Variants in SH3D19 observed in about 807,000 individuals in gnomAD.
The protein encoded by SH3D19 is SH3 domain containing 19.
A neutral mutation model predicts 112.1 loss-of-function variants in SH3D19; 58 were observed. That is an observed-to-expected ratio of 0.52 (90% confidence interval 0.42 to 0.64). The LOEUF (loss-of-function observed/expected upper bound fraction) is 0.64. SH3D19 is among the 30% of genes least tolerant of loss of function. SH3D19 has a pLI of 0.00. For synonymous variants in SH3D19, 391 were observed against 448.5 expected, an observed-to-expected ratio of 0.87 and a Z score of 1.62; for missense variants, 1,090 against 1,263.4, an observed-to-expected ratio of 0.86 and a Z score of 2.08.
chr4:151,203,321 C>T (rs1764661182), intron 2 of SH3D19, among the ~76,000 whole-genome samples: 1 of 152,154 alleles, frequency 6.6e-6, no homozygotes, highest in African/African-American at 2.4e-5. Flanking sequence ...CCTGAGAAGT[C>T]AACAGTGTGA....
At chr4:151,255,512 G>C (rs146672469) in intron 1 of SH3D19, among the ~76,000 whole-genome samples, 51,447 of 149,466 alleles carry the variant, frequency 0.34, 9,888 homozygotes, top group Non-Finnish European at 0.45. Flanking sequence ...GTGAGATGGC[G>C]GCCGGGCGGA....
At chr4:151,161,736 A>T (rs1159403202) in intron 8 of SH3D19, among the ~76,000 whole-genome samples, 1 of 149,778 alleles carries the variant, frequency 6.7e-6, no homozygotes, top group Non-Finnish European at 1.5e-5. Context: ...CCTGTGGCCA[A>T]AGTGTTCTCA....
chr4:151,231,760 A>G (rs1170232457), intron 1 of SH3D19, among the ~76,000 whole-genome samples: 1 of 152,232 alleles, frequency 6.6e-6, no homozygotes, highest in Non-Finnish European at 1.5e-5. Context: ...AGTCTGGTCT[A>G]CAGCACTATC....
chr4:151,318,347 C>T (rs1253832961), intron 1 of SH3D19, among the ~76,000 whole-genome samples: 1 of 149,622 alleles, frequency 6.7e-6, no homozygotes, highest in Non-Finnish European at 1.5e-5. Flanking sequence ...AAAAGAAAAG[C>T]TGAGCATTAT....
At chr4:151,218,894 C>A (rs986440075) in intron 2 of SH3D19, among the ~76,000 whole-genome samples, 1 of 152,138 alleles carries the variant, frequency 6.6e-6, no homozygotes, top group Non-Finnish European at 1.5e-5. Context: ...GGCTGAGTTC[C>A]TGTAATATTT....
At chr4:151,245,055 A>G (rs1433702141) in intron 1 of SH3D19, among the ~76,000 whole-genome samples, 1 of 152,098 alleles carries the variant, frequency 6.6e-6, no homozygotes, top group African/African-American at 2.4e-5. Context: ...GAAGCAGGAA[A>G]ATCATTTGAA....
chr4:151,244,090 G>C (rs751638842), intron 1 of SH3D19, among the ~76,000 whole-genome samples: 9 of 152,118 alleles, frequency 5.9e-5, no homozygotes, highest in Non-Finnish European at 1.3e-4. Context: ...TTGGCTATTA[G>C]CCCCTGAATT....
chr4:151,280,053 A>AGGAAACCCAG, intron 1 of SH3D19: 1 of 1,402,190 alleles, frequency 7.1e-7, no homozygotes, highest in Non-Finnish European at 9.9e-7. Context: ...AAGTGGTAAA[A>AGGAAACCCAG]TAGGCAGGGC....
intron 1 of SH3D19, among the ~76,000 whole-genome samples, chr4:151,257,126 T>C (rs1468684636): frequency 1.3e-5 from 2 of 151,444 alleles, no homozygotes; most frequent in Non-Finnish European, 1.5e-5. Flanking sequence ...CTTGCTCTGT[T>C]TTCCAGGCTG....
chr4:151,168,004 A>G (rs1316929800), intron 7 of SH3D19, among the ~76,000 whole-genome samples: 1 of 152,186 alleles, frequency 6.6e-6, no homozygotes, highest in Non-Finnish European at 1.5e-5. Context: ...TCAACATTAA[A>G]CTTTACTTTT....
chr4:151,230,500 T>G (rs571871410), intron 1 of SH3D19, among the ~76,000 whole-genome samples: 3 of 152,252 alleles, frequency 2.0e-5, no homozygotes, highest in Admixed American at 6.5e-5. Context: ...ATGAAAGACC[T>G]GAAATCATTC....
At chr4:151,241,676 C>T (rs898289976) in intron 1 of SH3D19, among the ~76,000 whole-genome samples, 1 of 151,308 alleles carries the variant, frequency 6.6e-6, no homozygotes, top group African/African-American at 2.5e-5. Context: ...ATTACAGGTG[C>T]AAGCCACTGT....
intron 19 of SH3D19, among the ~76,000 whole-genome samples, chr4:151,125,716 G>T (rs539098518): frequency 6.6e-6 from 1 of 151,538 alleles, no homozygotes; most frequent in East Asian, 1.9e-4. Flanking sequence ...GTCAGGTGTG[G>T]TGGTGTGTGC....
chr4:151,226,103 T>C lies in SH3D19; in HGVS notation c.113-17A>G. 1 of 1,231,686 alleles carries C rather than the reference T, an allele frequency of 8.1e-7. No homozygotes were observed. The highest frequency in any genetic ancestry group is 1.0e-6 in the Non-Finnish European group (1 of 987,600). 76.3% of individuals were successfully genotyped at this position (1,231,686 alleles called of 1,614,324 possible). A position where few individuals can be genotyped will look rare whatever the true frequency, so the allele number is the denominator to read the frequency against. On this transcript the variant is annotated splice_polypyrimidine_tract_variant and intron_variant, in intron 1 of 19. Coordinates refer to ENST00000604030, the MANE Select transcript of SH3D19 (RefSeq NM_001378122.1). ...CGTTGCGATCTGTAGAGAAAGAAGA[T>C]GGTTACGTGTCAAAAGGTTCTTTAA...
At chr4:151,180,485 C>T (rs923929051) in intron 3 of SH3D19, among the ~76,000 whole-genome samples, 3 of 145,214 alleles carry the variant, frequency 2.1e-5, no homozygotes, top group Non-Finnish European at 3.0e-5. Context: ...TGGCTCACTG[C>T]AAGCTCTGCC....
At chr4:151,181,381 G>A (rs1202523205) in intron 3 of SH3D19, among the ~76,000 whole-genome samples, 2 of 152,160 alleles carry the variant, frequency 1.3e-5, no homozygotes, top group East Asian at 3.9e-4. Flanking sequence ...GCCGTAACAG[G>A]TGAACCTCTG....
intron 1 of SH3D19, among the ~76,000 whole-genome samples, chr4:151,270,441 C>A (rs1263410309): frequency 6.6e-6 from 1 of 152,212 alleles, no homozygotes; most frequent in Non-Finnish European, 1.5e-5. Context: ...CTTCTTGAGG[C>A]CTTCTCAGAA....
chr4:151,158,107 G>A (rs1252625468), intron 9 of SH3D19, among the ~76,000 whole-genome samples: 1 of 152,022 alleles, frequency 6.6e-6, no homozygotes, highest in Non-Finnish European at 1.5e-5. Context: ...AAACAGAATT[G>A]GTGAAAAATG....
At chr4:151,172,457 A>G (rs1218361561) in intron 7 of SH3D19, among the ~76,000 whole-genome samples, 1 of 152,174 alleles carries the variant, frequency 6.6e-6, no homozygotes, top group Non-Finnish European at 1.5e-5. Flanking sequence ...TAAAGGCCTA[A>G]AGTGGGGCAG....
Sources: allele counts gnomAD v4.1 joint callset (sites outside exome capture counted in the v4.1 genomes callset), GRCh38; gene constraint gnomAD v4.1.1; transcripts MANE v1.5; gene names NCBI Gene and HGNC (gene_info 2026-07-23, HGNC 2026-07-21).